CPLX2: variants seen among roughly 807,000 people sequenced by gnomAD.
The protein encoded by CPLX2 is complexin-2.
CPLX2 carries 5 observed loss-of-function variants against 16.3 expected under a neutral mutation model. That is an observed-to-expected ratio of 0.31 (90% CI 0.16 to 0.64). CPLX2 has a LOEUF of 0.64. Ranked by LOEUF, CPLX2 falls within the 30% of genes least tolerant of loss-of-function variation. The pLI, the probability that CPLX2 is intolerant of heterozygous loss-of-function variation, is 0.79. For synonymous variants in CPLX2, 89 were observed against 73.2 expected (o/e 1.22, Z -1.10); for missense variants, 144 against 181.4 (o/e 0.79, Z 1.18).
chr5:175,797,675 C>A (rs1398743779), intron 1 of CPLX2, among the ~76,000 whole-genome samples: 2 of 152,150 alleles, frequency 1.3e-5, no homozygotes, highest in African/African-American at 2.4e-5. Context: ...GCCTCACGAA[C>A]GGGACAGCTC....
intron 1 of CPLX2, among the ~76,000 whole-genome samples, chr5:175,806,294 C>G (rs193211923): frequency 5.9e-5 from 9 of 151,996 alleles, no homozygotes; most frequent in Admixed American, 2.6e-4. Flanking sequence ...GCTGTTCCTT[C>G]TGCCTGGAAA....
chr5:175,879,601 TTTCA>T, intron 3 of CPLX2: 1 of 635,368 alleles, frequency 1.6e-6, no homozygotes, highest in South Asian at 1.7e-5. Context: ...TCTTTGGGGG[TTTCA>T]ACACAGCAGG....
rs1759025182 is a variant in CPLX2 at position 175,845,494 on chromosome 5, G to C, written c.-88-33158G>C. 6.6e-6 allele frequency among the ~76,000 whole-genome samples: 1 copy of C among 152,222 alleles called. No homozygotes were observed. The highest frequency in any genetic ancestry group is 1.5e-5 in the Non-Finnish European group (1 of 68,038). On this transcript the variant is annotated intron_variant, in intron 2 of 4. Transcript: ENST00000359546. This position sits in a 1 kb window ranked among gnomAD's most constrained non-coding sequence, Gnocchi z 4.0. Reference sequence around the variant, plus strand: ...TTGGCAGATTATCCCATCAGGCAAAGGTCACTCCCCCTCATGAGGGCCACT... The same window carrying C: ...TTGGCAGATTATCCCATCAGGCAAACGTCACTCCCCCTCATGAGGGCCACT...
intron 2 of CPLX2, among the ~76,000 whole-genome samples, chr5:175,862,755 A>T (rs569255482): frequency 6.6e-6 from 1 of 152,352 alleles, no homozygotes; most frequent in South Asian, 2.1e-4. Flanking sequence ...CCCAGAATGG[A>T]GTCTCTCTGG....
chr5:175,802,251 C>T (rs935600123), intron 1 of CPLX2, among the ~76,000 whole-genome samples: 5 of 152,072 alleles, frequency 3.3e-5, no homozygotes, highest in Admixed American at 6.5e-5. Context: ...GAGGTGTTGA[C>T]GTGGGGTCTC....
chr5:175,879,431 T>A (rs2113717187), intron 3 of CPLX2, among the ~76,000 whole-genome samples: 1 of 152,282 alleles, frequency 6.6e-6, no homozygotes. Flanking sequence ...CAGCTGTCAC[T>A]CCCAGCGGGT....
chr5:175,802,524 G>A (rs115348236), intron 1 of CPLX2, among the ~76,000 whole-genome samples: 2,694 of 152,236 alleles, frequency 0.018, 62 homozygotes, highest in African/African-American at 0.05. Context: ...CTGACTCGTC[G>A]GAAGCTGCGA....
intron 1 of CPLX2, among the ~76,000 whole-genome samples, chr5:175,877,553 C>T (rs569421305): frequency 6.6e-6 from 1 of 152,320 alleles, no homozygotes; most frequent in Admixed American, 6.5e-5. Flanking sequence ...TACCATGAAG[C>T]TACTTCACAC....
chr5:175,865,368 G>GTA (rs1561787928), intron 2 of CPLX2, among the ~76,000 whole-genome samples: 13 of 152,280 alleles, frequency 8.5e-5, no homozygotes, highest in Admixed American at 5.9e-4. Flanking sequence ...AAATGCAGGG[G>GTA]TTCTGCCGAC....
chr5:175,800,703 T>G (rs974215013), intron 1 of CPLX2, among the ~76,000 whole-genome samples: 1 of 152,204 alleles, frequency 6.6e-6, no homozygotes, highest in Non-Finnish European at 1.5e-5. Flanking sequence ...TCAAGACGCT[T>G]ACTCATTGAA....
chr5:175,811,146 G>T (rs1758305184), intron 2 of CPLX2, among the ~76,000 whole-genome samples: 1 of 152,204 alleles, frequency 6.6e-6, no homozygotes. Context: ...GTGAATAAAT[G>T]AATGAATGAT....
intron 1 of CPLX2, among the ~76,000 whole-genome samples, chr5:175,803,392 C>A (rs1445900408): frequency 6.6e-6 from 1 of 152,100 alleles, no homozygotes; most frequent in South Asian, 2.1e-4. Context: ...CATATAAATA[C>A]TAGGAAGAAA....
In CPLX2 at chr5:175,845,160, C is replaced by T. The variant is rs2113672741; in HGVS notation, c.-88-33492C>T. Among the ~76,000 whole-genome samples, 1 of 152,372 alleles carries T rather than the reference C, an allele frequency of 6.6e-6. No individual in the cohort carries two copies. The highest frequency in any genetic ancestry group is 3.4e-3 in the Middle Eastern group (1 of 294). On this transcript the variant is annotated intron_variant, in intron 2 of 4. Transcript: ENST00000359546. The surrounding 1 kb of genome is among the most constrained non-coding windows in gnomAD (Gnocchi z 4.0). ...CCTGTATGTTTTCTCATTTTCTCTT[C>T]ACAACCACTCTGTGTGGGAGTCAAC...
chr5:175,849,908 G>T lies in CPLX2; in HGVS notation c.-88-28744G>T, dbSNP rs1035155619. Among the ~76,000 whole-genome samples the T allele has an allele frequency of 5.9e-5, 9 of 152,214 alleles. No individual in the cohort carries two copies. Among genetic ancestry groups the T allele is most frequent in the African/African-American group, 2.2e-4 (9 of 41,466 alleles). On this transcript the variant is annotated intron_variant, in intron 2 of 4. Transcript: ENST00000359546. This position sits in a 1 kb window ranked among gnomAD's most constrained non-coding sequence, Gnocchi z 4.4. ...ATATTAATGGAATTGTCCCTTTGGGGGAACGACCGTGTGACTCTGAGCATG... is the reference window on the plus strand; with the variant it reads ...ATATTAATGGAATTGTCCCTTTGGGTGAACGACCGTGTGACTCTGAGCATG...
chr5:175,842,933 T>C (rs1378458353), intron 2 of CPLX2, among the ~76,000 whole-genome samples: 1 of 152,158 alleles, frequency 6.6e-6, no homozygotes, highest in Non-Finnish European at 1.5e-5. Context: ...GTTTCCCCTC[T>C]AGGCCCTGGC....
At chr5:175,799,699 A>ATTTTTATTT (rs1377439870) in intron 1 of CPLX2, among the ~76,000 whole-genome samples, 1 of 149,224 alleles carries the variant, frequency 6.7e-6, no homozygotes, top group African/African-American at 2.5e-5. Flanking sequence ...TATTTTTTTT[A>ATTTTTATTT]TTTTTATTTT....
intron 2 of CPLX2, among the ~76,000 whole-genome samples, chr5:175,821,639 C>T (rs1215238351): frequency 6.6e-6 from 1 of 152,174 alleles, no homozygotes; most frequent in Admixed American, 6.5e-5. Flanking sequence ...AATTCCTGAC[C>T]TCCAGTGATC....
intron 2 of CPLX2, among the ~76,000 whole-genome samples, chr5:175,859,485 G>A (rs1759322179): frequency 6.6e-6 from 1 of 152,220 alleles, no homozygotes; most frequent in South Asian, 2.1e-4. Context: ...ATGGTCTCTT[G>A]GAAGTAAGGG....
intron 1 of CPLX2, 137 bp from the exon 2 acceptor site, chr5:175,878,515 C>T: frequency 1.7e-6 from 1 of 598,248 alleles, no homozygotes; most frequent in Non-Finnish European, 3.0e-6. Context: ...CCTTTCTCCT[C>T]CAGCAGGGCA....
Sources: allele counts gnomAD v4.1 joint callset (sites outside exome capture counted in the v4.1 genomes callset), GRCh38; gene constraint gnomAD v4.1.1; non-coding constraint Gnocchi (gnomAD v3.1); transcripts MANE v1.5; gene names NCBI Gene and HGNC (gene_info 2026-07-23, HGNC 2026-07-21).